Variants in CACNA1A observed in about 807,000 individuals in gnomAD.
CACNA1A encodes calcium voltage-gated channel subunit alpha1 A, also known as voltage-dependent P/Q-type calcium channel subunit alpha-1A.
Under a neutral mutation model 262.4 loss-of-function variants are expected in CACNA1A, and 57 were observed. The observed-to-expected ratio is 0.22, with a 90% CI of 0.18 to 0.27. The LOEUF is 0.27. CACNA1A is among the 10% of genes least tolerant of loss of function. The probability of loss-of-function intolerance (pLI) is 1.00; values close to 1 mark genes in which losing one functional copy is unlikely to be tolerated. For synonymous variants in CACNA1A, 1,431 were observed against 1,419.3 expected (o/e 1.01, Z -0.18); for missense variants, 2,526 against 3,562.8 (o/e 0.71, Z 7.41).
chr19:13,472,503 TC>T (rs1978287411), intron 1 of CACNA1A, among the ~76,000 whole-genome samples: 1 of 152,178 alleles, frequency 6.6e-6, no homozygotes, highest in African/African-American at 2.4e-5. Flanking sequence ...TTGGGTGTCT[TC>T]CCACCTGTGA....
At chr19:13,340,343 T>G (rs1350747102) in intron 6 of CACNA1A, among the ~76,000 whole-genome samples, 3 of 152,024 alleles carry the variant, frequency 2.0e-5, no homozygotes, top group Non-Finnish European at 4.4e-5. Context: ...TGAGCTCATT[T>G]AATCCTCTCA....
At chr19:13,439,860 G>A (rs905407266) in intron 3 of CACNA1A, among the ~76,000 whole-genome samples, 2 of 152,202 alleles carry the variant, frequency 1.3e-5, no homozygotes, top group African/African-American at 4.8e-5. Flanking sequence ...ACCTTCTCCT[G>A]TAGCAGGAGG....
At chr19:13,229,873 A>G in intron 36 of CACNA1A, 2 of 473,518 alleles carry the variant, frequency 4.2e-6, no homozygotes, top group Non-Finnish European at 7.3e-6. Flanking sequence ...CAGAAAGTCC[A>G]GGGTTTGGGC....
chr19:13,232,941 C>G (rs1037875703), intron 34 of CACNA1A, among the ~76,000 whole-genome samples: 5 of 145,136 alleles, frequency 3.4e-5, no homozygotes, highest in African/African-American at 1.3e-4. Flanking sequence ...CTCAGCTACT[C>G]GGGAGGCTGA....
At chr19:13,311,654 G>T (rs571445096) in intron 12 of CACNA1A, among the ~76,000 whole-genome samples, 2 of 152,058 alleles carry the variant, frequency 1.3e-5, no homozygotes, top group African/African-American at 4.8e-5. Flanking sequence ...TGGCTAACAC[G>T]GTGAAACCCC....
At chr19:13,251,742 C>T (rs2144720931) in intron 30 of CACNA1A, among the ~76,000 whole-genome samples, 1 of 152,132 alleles carries the variant, frequency 6.6e-6, no homozygotes, top group South Asian at 2.1e-4. Flanking sequence ...TAGTTAGTGG[C>T]TGGTGAAAAA....
intron 43 of CACNA1A, 169 bp from the exon 44 acceptor site, chr19:13,210,821 T>TTA (rs2054785110): frequency 8.0e-6 from 6 of 748,730 alleles, no homozygotes; most frequent in Non-Finnish European, 1.1e-5. Flanking sequence ...AAAAGAAAAG[T>TTA]TAAAGTCCTG....
chr19:13,462,766 G>T (rs917555381), intron 1 of CACNA1A, among the ~76,000 whole-genome samples: 2 of 148,574 alleles, frequency 1.3e-5, no homozygotes, highest in African/African-American at 5.2e-5. Flanking sequence ...GCCTTTTTTT[G>T]TTTGTTTGTT....
chr19:13,284,368 C>G (rs1189697453), intron 21 of CACNA1A: 1 of 152,196 alleles, frequency 6.6e-6, no homozygotes, highest in South Asian at 2.1e-4. Context: ...TTATTTATTA[C>G]TACCCAGGGT....
At position 13,308,009 on chromosome 19, in the gene CACNA1A, G is replaced by A. The variant is rs1388116977; in HGVS notation, c.1913+111C>T. ...CAGGGCCCTGCCCATTTGGGTGACC[G>A]CAATGGGTGTCTGGGCTACGAGGAA... On this transcript the variant is annotated intron_variant, in intron 14 of 46. Coordinates refer to ENST00000360228, the MANE Select transcript of CACNA1A (RefSeq NM_001127222.2). The surrounding 1 kb of genome is among the most constrained non-coding windows in gnomAD (Gnocchi z 4.2). The A allele has an allele frequency of 4.5e-5, 65 of 1,459,750 alleles. No homozygotes were observed. Among genetic ancestry groups the A allele is most frequent in the Middle Eastern group, 1.8e-4 (1 of 5,638 alleles). The allele number at this position is 1,459,750 out of a possible 1,614,324, so 90.4% of individuals were successfully genotyped here.
chr19:13,433,292 CAAA>C (rs71170514), intron 3 of CACNA1A, among the ~76,000 whole-genome samples: 17 of 98,206 alleles, frequency 1.7e-4, no homozygotes, highest in Non-Finnish European at 2.0e-4. Flanking sequence ...GACTCTGTCT[CAAA>C]AAAAAAAAAA....
At chr19:13,499,376 A>C (rs907715986) in intron 1 of CACNA1A, among the ~76,000 whole-genome samples, 2 of 147,700 alleles carry the variant, frequency 1.4e-5, no homozygotes, top group Non-Finnish European at 3.0e-5. Context: ...GGAGAATGCA[A>C]AATGTCCAAA....
rs1239663368 is a variant in CACNA1A at position 13,207,410 on chromosome 19, C to G, written c.7424G>C (p.Gly2475Ala). The change falls in exon 47 of 47, where the codon GGC becomes GCC. Residue 2475 changes from glycine to alanine, a missense_variant. By Grantham distance (60) the Gly-to-Ala change is moderately conservative (BLOSUM62 0). Transcript: ENST00000360228. This position sits in a 1 kb window ranked among gnomAD's most constrained non-coding sequence, Gnocchi z 5.7. ...PSRHGRRLPN[G>A]YYPAHGLARP... ...GGCCAGTCCGTGCGCCGGGTAGTAG[C>G]CGTTGGGGAGTCGCCGGCCGTGCCG... The G allele has an allele frequency of 6.5e-7, 1 of 1,533,374 alleles. No homozygotes were observed. The highest frequency in any genetic ancestry group is 1.4e-5 in the African/African-American group (1 of 72,010). 95.0% of individuals were successfully genotyped at this position (1,533,374 alleles called of 1,614,324 possible).
chr19:13,344,570 T>C (rs934361725), intron 6 of CACNA1A, among the ~76,000 whole-genome samples: 3 of 152,142 alleles, frequency 2.0e-5, no homozygotes, highest in Non-Finnish European at 4.4e-5. Context: ...TGTCAACTTA[T>C]GCATTTCAAG....
At chr19:13,227,301 A>G (rs529162124) in intron 37 of CACNA1A, 130 bp downstream of exon 37, 80 of 470,922 alleles carry the variant, frequency 1.7e-4, no homozygotes, top group Non-Finnish European at 2.4e-4. Flanking sequence ...AGAATCAAAA[A>G]CAAAAAAGAA....
chr19:13,364,637 A>G (rs1471826105), intron 5 of CACNA1A: 1 of 146,594 alleles, frequency 6.8e-6, no homozygotes, highest in East Asian at 2.0e-4. Flanking sequence ...TTTTATTTAT[A>G]TTTTTATTTA....
chr19:13,450,669 A>C (rs1435712961), intron 3 of CACNA1A: 1 of 152,218 alleles, frequency 6.6e-6, no homozygotes. Flanking sequence ...ATGAATGTAT[A>C]CACAGGTGTT....
chr19:13,421,246 AT>A (rs1023864051), intron 3 of CACNA1A, among the ~76,000 whole-genome samples: 4 of 151,058 alleles, frequency 2.6e-5, no homozygotes, highest in East Asian at 1.9e-4. Context: ...GAGAGAAATT[AT>A]TTTTTTTTCT....
chr19:13,242,456 C>T (rs368954897), intron 31 of CACNA1A, among the ~76,000 whole-genome samples: 6 of 152,032 alleles, frequency 3.9e-5, no homozygotes, highest in Non-Finnish European at 5.9e-5. Flanking sequence ...CCACCGTGCC[C>T]GGCTAATTTT....
Sources: gnomAD v4.1 joint callset for allele counts (sites outside exome capture counted in the v4.1 genomes callset) on GRCh38, gnomAD v4.1.1 for gene constraint, Gnocchi (gnomAD v3.1) non-coding constraint, MANE v1.5 for transcripts, NCBI Gene and HGNC (gene_info 2026-07-23, HGNC 2026-07-21) for gene names.